Variants in SCAI observed in about 807,000 individuals in gnomAD.
The protein encoded by SCAI is suppressor of cancer cell invasion.
Under a neutral mutation model 92.2 loss-of-function variants are expected in SCAI, and 24 were observed. That is an observed-to-expected ratio of 0.26 (90% CI 0.19 to 0.37). The LOEUF (loss-of-function observed/expected upper bound fraction) is 0.37, where lower values mean the gene tolerates loss of function less well. SCAI is among the 10% of genes least tolerant of loss of function. SCAI has a pLI of 1.00. For missense variants in SCAI, 450 were observed against 736.2 expected, an observed-to-expected ratio of 0.61 and a Z score of 4.50; for synonymous variants, 261 against 258.6, an observed-to-expected ratio of 1.01 and a Z score of -0.09.
At chr9:125,061,252 G>T (rs182131053) in intron 2 of SCAI, among the ~76,000 whole-genome samples, 1 of 152,006 alleles carries the variant, frequency 6.6e-6, no homozygotes, top group African/African-American at 2.4e-5. Flanking sequence ...AGCAGAGATC[G>T]CGCGACTGCA....
intron 2 of SCAI, among the ~76,000 whole-genome samples, chr9:125,100,043 G>C (rs1834646799): frequency 6.6e-6 from 1 of 152,176 alleles, no homozygotes; most frequent in South Asian, 2.1e-4. Context: ...ATTTATCTGG[G>C]CACACGCCCA....
intron 9 of SCAI, among the ~76,000 whole-genome samples, chr9:125,014,898 C>G (rs1316999910): frequency 1.3e-5 from 2 of 152,130 alleles, no homozygotes; most frequent in African/African-American, 2.4e-5. Flanking sequence ...ACTATCTGAT[C>G]TTTGACAAAC....
At chr9:125,076,185 C>G (rs1382245147) in intron 2 of SCAI, among the ~76,000 whole-genome samples, 1 of 151,686 alleles carries the variant, frequency 6.6e-6, no homozygotes, top group Non-Finnish European at 1.5e-5. Context: ...AGCAGAACAA[C>G]AATAAAAATA....
chr9:125,114,973 A>C (rs908330489), intron 2 of SCAI, among the ~76,000 whole-genome samples: 1 of 151,902 alleles, frequency 6.6e-6, no homozygotes, highest in Non-Finnish European at 1.5e-5. Context: ...GGGTTTTGCC[A>C]TGATGGCCAG....
At chr9:124,980,845 C>T (rs1831870921) in intron 14 of SCAI, among the ~76,000 whole-genome samples, 1 of 152,126 alleles carries the variant, frequency 6.6e-6, no homozygotes, top group South Asian at 2.1e-4. Context: ...TGTGAATCTT[C>T]CTAGGAAATC....
rs573144510 is a variant in SCAI, at chr9:125,068,512, C to A, written c.99-12505G>T. Among the ~76,000 whole-genome samples the A allele has an allele frequency of 1.3e-5, 2 of 151,522 alleles. 1 individual carries two copies. The highest frequency in any genetic ancestry group is 4.2e-4 in the South Asian group (2 of 4,782). On this transcript the variant is annotated intron_variant, in intron 2 of 17. Coordinates refer to ENST00000336505, the MANE Select transcript of SCAI (RefSeq NM_001144877.3). The stretch of plus-strand genomic sequence containing the variant: ...GATCCTGTCTGAAAAACAACAACAA[C>A]AACAAAAAAATACAACAAAAAACAA...
chr9:124,988,680 T>C (rs1173484395), intron 14 of SCAI, among the ~76,000 whole-genome samples: 1 of 151,402 alleles, frequency 6.6e-6, no homozygotes, highest in Non-Finnish European at 1.5e-5. Context: ...GACAAACAAA[T>C]AAAAGACAAC....
chr9:125,026,380 C>CA (rs1250420836), intron 6 of SCAI, among the ~76,000 whole-genome samples: 3,250 of 62,380 alleles, frequency 0.052, 128 homozygotes, highest in African/African-American at 0.19. Context: ...ACTCCACCTC[C>CA]AAAAAAAAAA....
At chr9:125,046,319 A>T (rs1564391918) in intron 3 of SCAI, among the ~76,000 whole-genome samples, 221 of 6,882 alleles carry the variant, frequency 0.032, 6 homozygotes, top group African/African-American at 0.044. Flanking sequence ...ATATATATAC[A>T]CACACACACA....
At chr9:125,003,632 T>C in intron 9 of SCAI, 62 bp from the exon 10 acceptor site, 1 of 986,946 alleles carries the variant, frequency 1.0e-6, no homozygotes, top group Non-Finnish European at 1.6e-6. Context: ...CTTTAAAGAC[T>C]TTTATCACGT....
chr9:125,128,800 C>T (rs1274142322), intron 2 of SCAI, among the ~76,000 whole-genome samples: 2 of 151,748 alleles, frequency 1.3e-5, no homozygotes, highest in Non-Finnish European at 2.9e-5. Flanking sequence ...CAGTGGCTCA[C>T]GCCTGTAATC....
At position 125,080,743 on chromosome 9, in the gene SCAI, A is replaced by G. The variant is rs117877542; in HGVS notation, c.99-24736T>C. ...ACATTATGTCACAGAAAGTGCCCATAAACAGTCAATAAAAGGTAGTAAATA... is the reference window on the plus strand; with the variant it reads ...ACATTATGTCACAGAAAGTGCCCATGAACAGTCAATAAAAGGTAGTAAATA... On this transcript the variant is annotated intron_variant, in intron 2 of 17. Coordinates refer to ENST00000336505, the MANE Select transcript of SCAI (RefSeq NM_001144877.3). Among the ~76,000 whole-genome samples the G allele has an allele frequency of 8.2e-3, 1,253 of 152,354 alleles. 8 individuals are homozygous for G. Among genetic ancestry groups the G allele is most frequent in the Non-Finnish European group, 0.014 (964 of 68,036 alleles).
intron 17 of SCAI, among the ~76,000 whole-genome samples, chr9:124,957,832 G>A (rs548104948): frequency 3.2e-4 from 48 of 151,824 alleles, no homozygotes; most frequent in African/African-American, 8.9e-4. Context: ...ACAGGCACCC[G>A]CCACCACACA....
At chr9:124,968,351 T>G in intron 17 of SCAI, 1 of 1,202,208 alleles carries the variant, frequency 8.3e-7, no homozygotes, top group Admixed American at 1.7e-5. Flanking sequence ...TTTTTAAGGC[T>G]TTAGTGAGCT....
At chr9:125,055,201 T>G (rs184838876) in intron 3 of SCAI, among the ~76,000 whole-genome samples, 1 of 152,194 alleles carries the variant, frequency 6.6e-6, no homozygotes, top group Non-Finnish European at 1.5e-5. Context: ...CTCCTTCCTA[T>G]GTAAATTTTC....
intron 2 of SCAI, among the ~76,000 whole-genome samples, chr9:125,059,380 G>A (rs998386752): frequency 1.3e-4 from 20 of 152,296 alleles, no homozygotes; most frequent in Admixed American, 1.2e-3. Flanking sequence ...TGTAAAGGAT[G>A]TTATTGAGAC....
chr9:124,960,185 G>A (rs780686675), intron 17 of SCAI, among the ~76,000 whole-genome samples: 1 of 152,114 alleles, frequency 6.6e-6, no homozygotes, highest in Non-Finnish European at 1.5e-5. Context: ...GCAAAGGCTT[G>A]TACAAGCCTT....
intron 6 of SCAI, among the ~76,000 whole-genome samples, chr9:125,023,345 A>G (rs1832906256): frequency 6.6e-6 from 1 of 152,206 alleles, no homozygotes; most frequent in African/African-American, 2.4e-5. Flanking sequence ...TAAGTTTTCC[A>G]TTTAAAAGGA....
At chr9:125,122,811 T>A (rs1356137922) in intron 2 of SCAI, among the ~76,000 whole-genome samples, 1 of 151,928 alleles carries the variant, frequency 6.6e-6, no homozygotes, top group African/African-American at 2.4e-5. Flanking sequence ...GAGGCTAGGG[T>A]GGGAGGATTA....
Sources: allele counts gnomAD v4.1 joint callset (sites outside exome capture counted in the v4.1 genomes callset), GRCh38; gene constraint gnomAD v4.1.1; transcripts MANE v1.5; gene names NCBI Gene and HGNC (gene_info 2026-07-23, HGNC 2026-07-21).